The following KCNK9 variants were observed in gnomAD, a reference collection of about 807,000 sequenced individuals.
KCNK9 encodes potassium channel subfamily K member 9.
Under a neutral mutation model 10.8 loss-of-function variants are expected in KCNK9, and 1 was observed. The ratio of observed to expected loss-of-function variants is 0.09; its 90% CI spans 0.03 to 0.44. The LOEUF is 0.44. KCNK9 is among the 20% of genes least tolerant of loss of function. The pLI is 0.97. For missense variants in KCNK9, 303 were observed against 515.0 expected (o/e 0.59, Z 3.98); for synonymous variants, 231 against 222.7 (o/e 1.04, Z -0.33).
At chr8:139,680,932 C>T (rs1308781611) in intron 1 of KCNK9, among the ~76,000 whole-genome samples, 2 of 152,186 alleles carry the variant, frequency 1.3e-5, no homozygotes, top group East Asian at 1.9e-4. Context: ...TCACCCCAGC[C>T]TCCTATCAGC....
At chr8:139,687,491 CACA>C (rs1816828595) in intron 1 of KCNK9, among the ~76,000 whole-genome samples, 1 of 32,038 alleles carries the variant, frequency 3.1e-5, no homozygotes, top group South Asian at 1.2e-3. Flanking sequence ...TACATATATA[CACA>C]TATATACATA....
At chr8:139,601,466 C>T (rs866200046) in exon 3 of KCNK9, 2 of 152,112 alleles carry the variant, frequency 1.3e-5, no homozygotes, top group South Asian at 4.1e-4. Flanking sequence ...GATTTTTATC[C>T]GAAGCTGGTG....
intron 1 of KCNK9, among the ~76,000 whole-genome samples, chr8:139,634,836 C>T (rs1244599151): frequency 6.6e-6 from 1 of 152,168 alleles, no homozygotes; most frequent in Non-Finnish European, 1.5e-5. Flanking sequence ...CCGAGGCCTG[C>T]CCTGAGAGCC....
At chr8:139,692,190 T>G (rs1022903354) in intron 1 of KCNK9, among the ~76,000 whole-genome samples, 8 of 152,264 alleles carry the variant, frequency 5.3e-5, no homozygotes, top group Non-Finnish European at 7.3e-5. Flanking sequence ...TCAGCCCGTC[T>G]GCCTGCCCCA....
chr8:139,625,900 T>C (rs1336646633), intron 1 of KCNK9, among the ~76,000 whole-genome samples: 3 of 152,148 alleles, frequency 2.0e-5, no homozygotes, highest in East Asian at 1.9e-4. Flanking sequence ...TCCTGCAAGA[T>C]TTCCCAGAAG....
intron 1 of KCNK9, among the ~76,000 whole-genome samples, chr8:139,663,665 G>GTA (rs1816224199): frequency 6.6e-6 from 1 of 151,274 alleles, no homozygotes; most frequent in South Asian, 2.1e-4. Context: ...GTGTGTGTGT[G>GTA]TGTGTGTGTG....
At chr8:139,675,218 C>T (rs533059196) in intron 1 of KCNK9, among the ~76,000 whole-genome samples, 75 of 152,294 alleles carry the variant, frequency 4.9e-4, no homozygotes, top group African/African-American at 1.7e-3. Context: ...GACATGGGGC[C>T]GCATGAAAAG....
At chr8:139,625,013 G>GC (rs1182298691) in intron 1 of KCNK9, among the ~76,000 whole-genome samples, 1 of 152,186 alleles carries the variant, frequency 6.6e-6, no homozygotes, top group African/African-American at 2.4e-5. Flanking sequence ...TGGGGCAGAT[G>GC]ATGTGCATCA....
chr8:139,606,819 C>T (rs1345350718), intron 2 of KCNK9, among the ~76,000 whole-genome samples: 1 of 152,180 alleles, frequency 6.6e-6, no homozygotes, highest in African/African-American at 2.4e-5. Context: ...ATCTTCAAAT[C>T]TCTCAAGTGG....
chr8:139,633,136 C>G (rs1050877904), intron 1 of KCNK9, among the ~76,000 whole-genome samples: 1 of 144,530 alleles, frequency 6.9e-6, no homozygotes, highest in African/African-American at 2.9e-5. Flanking sequence ...CACAGGCACT[C>G]AAACACACAC....
intron 2 of KCNK9, among the ~76,000 whole-genome samples, chr8:139,604,955 G>A (rs1186236167): frequency 1.3e-5 from 2 of 152,202 alleles, no homozygotes; most frequent in Non-Finnish European, 2.9e-5. Context: ...CATCACCTGA[G>A]TGCCCTTTGG....
intron 1 of KCNK9, among the ~76,000 whole-genome samples, chr8:139,696,184 T>C (rs572259031): frequency 1.3e-5 from 2 of 152,186 alleles, no homozygotes; most frequent in Admixed American, 1.3e-4. Flanking sequence ...CCACTACCAC[T>C]TCATTATGTG....
At chr8:139,690,070 T>C (rs1816905895) in intron 1 of KCNK9, among the ~76,000 whole-genome samples, 1 of 152,210 alleles carries the variant, frequency 6.6e-6, no homozygotes, top group African/African-American at 2.4e-5. Flanking sequence ...AGATGGTGGT[T>C]GTTTTCAGCC....
chr8:139,605,675 C>A (rs1005429528), intron 2 of KCNK9, among the ~76,000 whole-genome samples: 2 of 152,224 alleles, frequency 1.3e-5, no homozygotes, highest in Middle Eastern at 3.4e-3. Context: ...TAGAAAAATG[C>A]ATTATTGTAC....
intron 1 of KCNK9, among the ~76,000 whole-genome samples, chr8:139,668,813 T>C (rs1816360884): frequency 6.6e-6 from 1 of 152,240 alleles, no homozygotes; most frequent in Non-Finnish European, 1.5e-5. Flanking sequence ...GATCTTGAAC[T>C]GAGCCTGAGT....
At chr8:139,671,275 A>G (rs1422475171) in intron 1 of KCNK9, among the ~76,000 whole-genome samples, 1 of 152,090 alleles carries the variant, frequency 6.6e-6, no homozygotes, top group Non-Finnish European at 1.5e-5. Context: ...CTCAGCCCCC[A>G]TCACTCACTG....
At chr8:139,601,120 G>A (rs988873850) in exon 3 of KCNK9, 14 of 152,206 alleles carry the variant, frequency 9.2e-5, no homozygotes, top group African/African-American at 3.4e-4. Context: ...GTTGCAGACG[G>A]GGAAACCCCA....
chr8:139,618,952 T>C lies in KCNK9; in HGVS notation c.431A>G (p.Lys144Arg). Residue 144 changes from lysine to arginine, a missense_variant, in exon 2 of 2, where the codon AAG (lysine) becomes AGG (arginine). Physicochemically the swap from Lys to Arg is conservative, Grantham distance 26. This residue lies in a region of KCNK9 where 32 missense variants were observed against 30.2 expected (regional missense o/e 1.06). Transcript: ENST00000520439. This position sits in a 1 kb window ranked among gnomAD's most constrained non-coding sequence, Gnocchi z 7.9. ...TFVRYLLKRI[K>R]KCCGMRNTDV... ...AGTGTTGCGCATGCCACAGCACTTCTTAATGCGCTTCAGCAGGTAGCGCAC... is the reference window on the plus strand; with the variant it reads ...AGTGTTGCGCATGCCACAGCACTTCCTAATGCGCTTCAGCAGGTAGCGCAC... 1 of 1,614,218 alleles carries C rather than the reference T, an allele frequency of 6.2e-7. No homozygotes were observed. Among genetic ancestry groups the C allele is most frequent in the Non-Finnish European group, 8.5e-7 (1 of 1,180,032 alleles).
intron 1 of KCNK9, among the ~76,000 whole-genome samples, chr8:139,663,479 G>T (rs961293928): frequency 6.6e-6 from 1 of 151,950 alleles, no homozygotes; most frequent in East Asian, 1.9e-4. Flanking sequence ...ACAGTGAGGC[G>T]AGAGTGACAC....
Sources: allele counts gnomAD v4.1 joint callset (sites outside exome capture counted in the v4.1 genomes callset), GRCh38; gene constraint gnomAD v4.1.1; regional missense constraint gnomAD v4.1.1; non-coding constraint Gnocchi (gnomAD v3.1); transcripts MANE v1.5; gene names NCBI Gene and HGNC (gene_info 2026-07-23, HGNC 2026-07-21).